RFTN2: variants seen among roughly 807,000 people sequenced by gnomAD.
RFTN2 encodes raftlin-2.
Under a neutral mutation model 52.7 loss-of-function variants are expected in RFTN2, and 34 were observed. The observed-to-expected ratio is 0.64, with a 90% CI of 0.49 to 0.86. RFTN2 has a LOEUF of 0.86. Among genes scored for constraint, RFTN2 ranks in the 40% least tolerant of loss-of-function variants. The probability of loss-of-function intolerance (pLI) is 0.00; values close to 1 mark genes in which losing one functional copy is unlikely to be tolerated. For synonymous variants in RFTN2, 203 were observed against 217.7 expected, an observed-to-expected ratio of 0.93 and a Z score of 0.59; for missense variants, 536 against 600.1, an observed-to-expected ratio of 0.89 and a Z score of 1.12.
intron 3 of RFTN2, among the ~76,000 whole-genome samples, chr2:197,640,120 G>A (rs1469818213): frequency 6.6e-6 from 1 of 152,184 alleles, no homozygotes; most frequent in Admixed American, 6.5e-5. Flanking sequence ...CTGCGTGCTG[G>A]GAGAACCACT....
chr2:197,633,669 T>C (rs1466738009), intron 4 of RFTN2, 49 bp downstream of exon 4: 3 of 1,483,514 alleles, frequency 2.0e-6, no homozygotes, highest in South Asian at 1.3e-5. Flanking sequence ...CAAAAACTTA[T>C]TTTGCTTAAA....
intron 1 of RFTN2, among the ~76,000 whole-genome samples, chr2:197,654,928 C>A (rs1412991225): frequency 1.3e-5 from 2 of 152,008 alleles, no homozygotes; most frequent in Non-Finnish European, 2.9e-5. Flanking sequence ...ACTCAGGAGA[C>A]GGAGGTTGCA....
intron 8 of RFTN2, among the ~76,000 whole-genome samples, chr2:197,578,133 G>A (rs543145656): frequency 2.0e-5 from 3 of 152,164 alleles, no homozygotes; most frequent in African/African-American, 7.2e-5. Context: ...CAGCGCTAGG[G>A]CCAAAGGTAA....
intron 1 of RFTN2, among the ~76,000 whole-genome samples, chr2:197,657,853 T>C (rs1192254022): frequency 6.6e-6 from 1 of 152,206 alleles, no homozygotes; most frequent in Admixed American, 6.5e-5. Context: ...TGTGGGAATT[T>C]TGTTGAGAAC....
intron 5 of RFTN2, among the ~76,000 whole-genome samples, chr2:197,622,459 C>G (rs968718029): frequency 2.2e-4 from 33 of 152,162 alleles, no homozygotes; most frequent in African/African-American, 8.0e-4. Flanking sequence ...GCACACACCA[C>G]CAAACCCAGC....
intron 3 of RFTN2, among the ~76,000 whole-genome samples, chr2:197,640,762 A>T (rs1574734924): frequency 1.3e-5 from 2 of 152,040 alleles, no homozygotes; most frequent in African/African-American, 4.8e-5. Context: ...CTCCTCCCCC[A>T]GGAATGCTTA....
At chr2:197,671,509 GT>G (rs2089147101) in intron 1 of RFTN2, among the ~76,000 whole-genome samples, 1 of 152,214 alleles carries the variant, frequency 6.6e-6, no homozygotes, top group South Asian at 2.1e-4. Flanking sequence ...TGGACACAGG[GT>G]GTACAAAGAT....
intron 8 of RFTN2, among the ~76,000 whole-genome samples, chr2:197,577,979 A>G (rs1455762565): frequency 6.6e-6 from 1 of 152,122 alleles, no homozygotes; most frequent in Non-Finnish European, 1.5e-5. Context: ...AGCCTCCCAA[A>G]GTGCTGGGAT....
chr2:197,595,854 C>T (rs1347561220), intron 8 of RFTN2, 137 bp downstream of exon 8: 6 of 554,318 alleles, frequency 1.1e-5, no homozygotes, highest in Non-Finnish European at 1.6e-5. Flanking sequence ...TGATTGCTAG[C>T]ACATTTCCCT....
At chr2:197,662,618 T>A (rs2088994033) in intron 1 of RFTN2, among the ~76,000 whole-genome samples, 1 of 147,468 alleles carries the variant, frequency 6.8e-6, no homozygotes, top group South Asian at 2.2e-4. Context: ...ATTTTGGTAT[T>A]TTTTTTTTCT....
In RFTN2 at chr2:197,570,363, T is replaced by C. The variant is rs141762098; in HGVS notation, c.*1645A>G. 20 of 152,362 alleles carry C rather than the reference T, an allele frequency of 1.3e-4. No homozygotes were observed. In the East Asian group the frequency reaches 3.7e-3, roughly 28 times the overall value. The allele number at this position is 152,362 out of a possible 1,614,324, so 9.4% of individuals were successfully genotyped here. A position where few individuals can be genotyped will look rare whatever the true frequency, so the allele number is the denominator to read the frequency against. ...TCCTGTTAATTTTATCAGCAATTAA[T>C]GGAGATTGACTTAGTTTAGATACAC... On this transcript the variant is annotated 3_prime_UTR_variant, in exon 9 of 9. Transcript: ENST00000295049.
At chr2:197,664,953 G>C (rs2089030999) in intron 1 of RFTN2, among the ~76,000 whole-genome samples, 1 of 152,108 alleles carries the variant, frequency 6.6e-6, no homozygotes, top group African/African-American at 2.4e-5. Flanking sequence ...GTCTTTCATT[G>C]GGTACTCATG....
At chr2:197,674,359 A>AAAAAAAAAAAAAAAAG in intron 1 of RFTN2, among the ~76,000 whole-genome samples, 1 of 149,908 alleles carries the variant, frequency 6.7e-6, no homozygotes, top group Non-Finnish European at 1.5e-5. Context: ...AAAAAAAAAA[A>AAAAAAAAAAAAAAAAG]AAAAGAAAAG....
At chr2:197,627,318 C>T (rs543957917) in intron 5 of RFTN2, among the ~76,000 whole-genome samples, 1 of 152,194 alleles carries the variant, frequency 6.6e-6, no homozygotes, top group Non-Finnish European at 1.5e-5. Flanking sequence ...TTCCCTGGTA[C>T]TCTCGCCATA....
At chr2:197,654,676 A>C (rs1164991509) in intron 1 of RFTN2, among the ~76,000 whole-genome samples, 1 of 152,102 alleles carries the variant, frequency 6.6e-6, no homozygotes, top group Non-Finnish European at 1.5e-5. Context: ...GAGGGAATAA[A>C]ATGAATTACA....
Position 197,596,041 on chromosome 2 carries a change from C to A in RFTN2, c.1183G>T (p.Val395Leu). Residue 395 changes from valine (V) to leucine (L), a missense_variant, in exon 8 of 9, where the codon GTA (valine) becomes TTA (leucine). By Grantham distance (32) the Val-to-Leu change is conservative. Transcript: ENST00000295049. ...CACATAACTGGCCTCTGAAGGAATA[C>A]GATCTGCTTTGTAGCCAAATTCCCT... The part of the protein sequence containing the change: ...SEGNLATKQI[V>L]FLQRPVMWNS... 3.7e-6 allele frequency: 6 copies of A among 1,611,654 alleles called. No individual in the cohort carries two copies. The highest frequency in any genetic ancestry group is 4.2e-6 in the Non-Finnish European group (5 of 1,178,172).
chr2:197,634,907 C>T (rs2106237050), intron 3 of RFTN2, among the ~76,000 whole-genome samples: 1 of 130,648 alleles, frequency 7.7e-6, no homozygotes, highest in East Asian at 2.6e-4. Context: ...CCACAACAGT[C>T]CCCAGAGTGT....
rs989596870 is a variant in RFTN2, at chr2:197,625,936, C to T, written c.928+5075G>A. On this transcript the variant is annotated intron_variant, in intron 5 of 8. Transcript: ENST00000295049. ...CTTCCTGAGTAGCTGGAACTACAGG[C>T]ACCCACCATGCCCGGCTAATTTTTG... is the stretch of plus-strand genomic sequence containing the variant. 3.3e-5 allele frequency among the ~76,000 whole-genome samples: 5 copies of T among 151,824 alleles called. No homozygotes were observed. The South Asian group carries it at 1.0e-3, about 32-fold the overall frequency.
intron 8 of RFTN2, among the ~76,000 whole-genome samples, chr2:197,579,256 C>A (rs2087467051): frequency 6.6e-6 from 1 of 152,144 alleles, no homozygotes; most frequent in Admixed American, 6.5e-5. Context: ...GGGTGGTAAG[C>A]ACCACCTTGC....
Sources: gnomAD v4.1 joint callset for allele counts (sites outside exome capture counted in the v4.1 genomes callset) on GRCh38, gnomAD v4.1.1 for gene constraint, MANE v1.5 for transcripts, NCBI Gene and HGNC (gene_info 2026-07-23, HGNC 2026-07-21) for gene names.